Variants in FOXP2 observed in about 807,000 individuals in gnomAD.
FOXP2 encodes the protein forkhead box P2.
FOXP2 carries 12 observed loss-of-function variants against 115.8 expected under a neutral mutation model. The ratio of observed to expected loss-of-function variants is 0.10; its 90% CI spans 0.07 to 0.17. FOXP2 has a LOEUF of 0.17. FOXP2 is among the 10% of genes least tolerant of loss of function. The pLI is 1.00. For synonymous variants in FOXP2, 328 were observed against 297.7 expected (o/e 1.10, Z -1.05); for missense variants, 629 against 843.5 (o/e 0.75, Z 3.15).
intron 1 of FOXP2, among the ~76,000 whole-genome samples, chr7:114,277,351 A>AGT (rs1327207988): frequency 6.6e-6 from 1 of 152,158 alleles, no homozygotes; most frequent in Non-Finnish European, 1.5e-5. Flanking sequence ...AAACTGTGAG[A>AGT]GTGGGGTTTG....
rs982886419 is a variant in FOXP2, at chr7:114,176,246, T to C, written c.-102+13158T>C. On this transcript the variant is annotated intron_variant, in intron 1 of 17. Transcript: ENST00000634411. ...CTTGTCTTGTCTTTTCTTTCTTTCTTTCTCTCTCTCTCTTTCCCTTTCTTT... is the reference window on the plus strand; with the variant it reads ...CTTGTCTTGTCTTTTCTTTCTTTCTCTCTCTCTCTCTCTTTCCCTTTCTTT... Among the ~76,000 whole-genome samples the C allele has an allele frequency of 3.4e-5, 5 of 147,604 alleles. No individual in the cohort carries two copies. The South Asian group carries it at 6.3e-4, about 19-fold the overall frequency.
intron 6 of FOXP2, among the ~76,000 whole-genome samples, chr7:114,634,789 A>T (rs1172356411): frequency 6.6e-6 from 1 of 152,110 alleles, no homozygotes; most frequent in African/African-American, 2.4e-5. Context: ...ATGAACCAGG[A>T]TAATTGTCTA....
chr7:114,654,510 T>G (rs1806463764), intron 10 of FOXP2, among the ~76,000 whole-genome samples: 1 of 152,186 alleles, frequency 6.6e-6, no homozygotes, highest in Non-Finnish European at 1.5e-5. Context: ...TAAGATGTAT[T>G]TCACATATTG....
At chr7:114,234,575 A>T (rs1405258363) in intron 1 of FOXP2, among the ~76,000 whole-genome samples, 1 of 152,242 alleles carries the variant, frequency 6.6e-6, no homozygotes, top group Non-Finnish European at 1.5e-5. Flanking sequence ...TAAAACAAAC[A>T]AACAAACAAA....
At chr7:114,489,582 C>T (rs1033239180) in intron 2 of FOXP2, among the ~76,000 whole-genome samples, 1 of 151,684 alleles carries the variant, frequency 6.6e-6, no homozygotes, top group African/African-American at 2.4e-5. Context: ...AGCTTGAAGC[C>T]ACTAGATTGT....
chr7:114,669,558 G>T (rs1807385195), intron 16 of FOXP2: 1 of 151,920 alleles, frequency 6.6e-6, no homozygotes, highest in African/African-American at 2.4e-5. Context: ...TATAGAATAT[G>T]AATTAAAAAT....
chr7:114,554,059 G>T (rs1472516258), intron 3 of FOXP2, among the ~76,000 whole-genome samples: 1 of 151,864 alleles, frequency 6.6e-6, no homozygotes, highest in African/African-American at 2.4e-5. Context: ...AATAACAGAG[G>T]ATACCAAAAA....
intron 1 of FOXP2, among the ~76,000 whole-genome samples, chr7:114,222,758 A>G (rs1794655696): frequency 1.3e-5 from 2 of 152,198 alleles, no homozygotes. Context: ...AAGAAGGGAC[A>G]GTTGTGTTGA....
At chr7:114,595,951 A>G (rs1663766551) in intron 3 of FOXP2, among the ~76,000 whole-genome samples, 1 of 152,060 alleles carries the variant, frequency 6.6e-6, no homozygotes, top group Non-Finnish European at 1.5e-5. Flanking sequence ...TAAAAAAATA[A>G]TAATAATATG....
chr7:114,429,045 C>T (rs926827043), intron 2 of FOXP2, among the ~76,000 whole-genome samples: 2 of 151,382 alleles, frequency 1.3e-5, no homozygotes, highest in Admixed American at 1.3e-4. Flanking sequence ...TTGCCGTGAA[C>T]TTCTGGCAAA....
At chr7:114,107,835 A>T (rs757983053) in intron 1 of FOXP2, among the ~76,000 whole-genome samples, 1 of 151,922 alleles carries the variant, frequency 6.6e-6, no homozygotes, top group Non-Finnish European at 1.5e-5. Context: ...TTGTTTTTTC[A>T]CGGTCTGGTC....
At chr7:114,581,929 A>G (rs1220428018) in intron 3 of FOXP2, among the ~76,000 whole-genome samples, 1 of 152,240 alleles carries the variant, frequency 6.6e-6, no homozygotes, top group Non-Finnish European at 1.5e-5. Flanking sequence ...AATATACCAT[A>G]GAGCAGTGAT....
intron 3 of FOXP2, among the ~76,000 whole-genome samples, chr7:114,602,169 AAG>A (rs1269069667): frequency 6.6e-6 from 1 of 152,044 alleles, no homozygotes; most frequent in Non-Finnish European, 1.5e-5. Flanking sequence ...TCATTTTATT[AAG>A]AGAAAGCATA....
At chr7:114,154,823 C>T (rs779593114) in intron 1 of FOXP2, among the ~76,000 whole-genome samples, 8 of 152,062 alleles carry the variant, frequency 5.3e-5, no homozygotes, top group Non-Finnish European at 1.2e-4. Flanking sequence ...GAGGTCAAAT[C>T]CTGTCTCTGC....
At chr7:114,679,833 A>G (rs1444417019) in intron 16 of FOXP2, among the ~76,000 whole-genome samples, 5 of 152,164 alleles carry the variant, frequency 3.3e-5, no homozygotes, top group Admixed American at 6.5e-5. Context: ...CTTTTATAAT[A>G]CTTTACCTAC....
At position 114,190,905 on chromosome 7, in the gene FOXP2, G is replaced by A. The variant is rs145792044; in HGVS notation, c.-102+27817G>A. On this transcript the variant is annotated intron_variant, in intron 1 of 17. Coordinates refer to the FOXP2 transcript ENST00000634411. ...TAGGGAGGAGGAGGTATCTGGTTGT[G>A]TGAAGTAGGTAGAGGGAGCAGGAAG... Among the ~76,000 whole-genome samples the A allele has an allele frequency of 1.5e-3, 231 of 152,276 alleles. 2 individuals carry two copies. The highest frequency in any genetic ancestry group is 5.5e-3 in the African/African-American group (227 of 41,556).
chr7:114,578,790 T>C (rs1392278628), intron 3 of FOXP2, among the ~76,000 whole-genome samples: 1 of 152,116 alleles, frequency 6.6e-6, no homozygotes, highest in Non-Finnish European at 1.5e-5. Flanking sequence ...GTTTTATTTA[T>C]AGGTCAAGGT....
At chr7:114,115,881 T>C (rs1791394148) in intron 1 of FOXP2, among the ~76,000 whole-genome samples, 1 of 152,156 alleles carries the variant, frequency 6.6e-6, no homozygotes, top group African/African-American at 2.4e-5. Context: ...GAATTAAGCA[T>C]TTATTGAATA....
At position 114,537,755 on chromosome 7, in the gene FOXP2, T is replaced by A. The variant is rs951259575; in HGVS notation, c.258+3049T>A. On this transcript the variant is annotated intron_variant, in intron 3 of 16. Coordinates refer to ENST00000350908, the MANE Select transcript of FOXP2 (RefSeq NM_014491.4). ...GTGATTTCACTTTCATGTATAGATA[T>A]CTGAATATATGTATTTGAAACATGT... 1.9e-4 allele frequency among the ~76,000 whole-genome samples: 29 copies of A among 151,660 alleles called. No homozygotes were observed. In the East Asian group the frequency reaches 5.6e-3, roughly 29 times the overall value.
Sources: gnomAD v4.1 joint callset for allele counts (sites outside exome capture counted in the v4.1 genomes callset) on GRCh38, gnomAD v4.1.1 for gene constraint, MANE v1.5 for transcripts, NCBI Gene and HGNC (gene_info 2026-07-23, HGNC 2026-07-21) for gene names.